The following GGACT variants were observed in gnomAD, a reference collection of about 807,000 sequenced individuals.
GGACT encodes gamma-glutamylaminecyclotransferase.
For synonymous variants in GGACT, 118 were observed against 115.3 expected (o/e 1.02, Z -0.15); for missense variants, 241 against 233.2 (o/e 1.03, Z -0.22).
chr13:100,569,491 G>A (rs547996708), intron 2 of GGACT, among the ~76,000 whole-genome samples: 1 of 152,214 alleles, frequency 6.6e-6, no homozygotes, highest in Non-Finnish European at 1.5e-5. Context: ...TGGGAGGCAG[G>A]GGGGCACCAT....
intron 2 of GGACT, among the ~76,000 whole-genome samples, chr13:100,573,971 T>C (rs1054244055): frequency 5.3e-5 from 8 of 151,778 alleles, no homozygotes; most frequent in Non-Finnish European, 7.4e-5. Flanking sequence ...TCAGCTACTG[T>C]GGAAAGCAGT....
At chr13:100,574,875 A>T (rs1314268990) in intron 2 of GGACT, among the ~76,000 whole-genome samples, 2 of 151,992 alleles carry the variant, frequency 1.3e-5, no homozygotes, top group African/African-American at 4.8e-5. Flanking sequence ...ACTTATGTGT[A>T]TTAAAAAAAA....
intron 2 of GGACT, among the ~76,000 whole-genome samples, chr13:100,567,508 G>A: frequency 6.6e-6 from 1 of 152,176 alleles, no homozygotes; most frequent in African/African-American, 2.4e-5. Context: ...CCTGGCATCA[G>A]CCCTCTCTCC....
chr13:100,585,822 C>CAAAAAAAAAAAAA lies in GGACT; in HGVS notation c.-183-1838_-183-1826dup, dbSNP rs550006144. Among the ~76,000 whole-genome samples the CAAAAAAAAAAAAA allele has an allele frequency of 3.4e-4, 10 of 29,504 alleles. 3 individuals carry two copies. Among genetic ancestry groups the CAAAAAAAAAAAAA allele is most frequent in the Admixed American group, 1.5e-3 (2 of 1,370 alleles). 19.4% of individuals were successfully genotyped at this position (29,504 alleles called of 152,430 possible). A position where few individuals can be genotyped will look rare whatever the true frequency, so the allele number is the denominator to read the frequency against. Reference sequence around the variant, plus strand: ...CAGCCTGGGCAATACCTGTCTCCACCAAAAAAAAAAAAAAAAAAAAAAAAA... The same window carrying CAAAAAAAAAAAAA: ...CAGCCTGGGCAATACCTGTCTCCACCAAAAAAAAAAAAAAAAAAAAAAAAAAAAAAAAAAAAAA... On this transcript the variant is annotated intron_variant, in intron 1 of 2. Coordinates refer to ENST00000683975, the MANE Select transcript of GGACT (RefSeq NM_001195087.2).
Position 100,532,375 on chromosome 13 carries a change from G to C in GGACT, c.217C>G (p.Arg73Gly), listed in dbSNP as rs772972695. The C allele has an allele frequency of 3.2e-6, 5 of 1,550,412 alleles. No homozygotes were observed. In the South Asian group the frequency reaches 5.9e-5, roughly 18 times the overall value. Residue 73 changes from arginine (R) to glycine (G), a missense_variant, in exon 3 of 3, where the codon CGG becomes GGG. Arg to Gly is a moderately radical substitution (Grantham distance 125). Transcript: ENST00000683975. ...VEGEVYAVDE[R>G]MLRFLDDFES... The stretch of plus-strand genomic sequence containing the variant: ...AAGTCATCCAGAAAGCGCAGCATCC[G>C]CTCGTCTACCGCGTAGACCTCGCCC...
intron 2 of GGACT, chr13:100,540,235 C>T (rs575603933): frequency 1.4e-6 from 2 of 1,388,976 alleles, no homozygotes; most frequent in East Asian, 4.6e-5. Context: ...ATTGTTCCTT[C>T]TTTTCTTTGT....
rs113356477 is a variant in GGACT, at chr13:100,530,325, T to G, written c.*1805A>C. 7.8e-4 allele frequency: 536 copies of G among 687,954 alleles called. 2 individuals are homozygous for G. The African/African-American group carries it at 8.4e-3, about 11-fold the overall frequency. The allele number at this position is 687,954 out of a possible 1,614,324, so 42.6% of individuals were successfully genotyped here. ...TCAAGACCAATATTCTGCCAAAAAA[T>G]CACCAATGGAAATTTTCATTGATAT... On this transcript the variant is annotated 3_prime_UTR_variant, in exon 3 of 3. Transcript: ENST00000683975.
intron 2 of GGACT, among the ~76,000 whole-genome samples, chr13:100,560,574 C>A (rs1035124687): frequency 6.6e-6 from 1 of 152,216 alleles, no homozygotes; most frequent in Non-Finnish European, 1.5e-5. Flanking sequence ...GTGGCCCTCC[C>A]AGGCCCTGAG....
chr13:100,584,374 C>T (rs1875503639), intron 1 of GGACT, among the ~76,000 whole-genome samples: 1 of 152,094 alleles, frequency 6.6e-6, no homozygotes, highest in South Asian at 2.1e-4. Flanking sequence ...AACCCAGACA[C>T]AGAAAGACAA....
intron 2 of GGACT, among the ~76,000 whole-genome samples, chr13:100,564,813 G>C (rs1208654121): frequency 6.6e-6 from 1 of 152,164 alleles, no homozygotes; most frequent in African/African-American, 2.4e-5. Context: ...AGTGCTCTAT[G>C]CCCCGGGCAG....
chr13:100,563,406 A>C (rs930671401), intron 2 of GGACT, among the ~76,000 whole-genome samples: 1 of 152,228 alleles, frequency 6.6e-6, no homozygotes, highest in Non-Finnish European at 1.5e-5. Context: ...CAGAAGTTGT[A>C]ATCACATAAC....
At chr13:100,560,704 A>T (rs1220608182) in intron 2 of GGACT, among the ~76,000 whole-genome samples, 1 of 152,172 alleles carries the variant, frequency 6.6e-6, no homozygotes, top group African/African-American at 2.4e-5. Flanking sequence ...CGATCCCTTT[A>T]GCCTCCCCAG....
intron 2 of GGACT, among the ~76,000 whole-genome samples, chr13:100,554,838 AAAG>A (rs1167252640): frequency 6.6e-6 from 1 of 152,198 alleles, no homozygotes; most frequent in Non-Finnish European, 1.5e-5. Context: ...GAGAGAGAGA[AAAG>A]AAATCATCAG....
chr13:100,550,076 G>T (rs1219087895), intron 2 of GGACT, among the ~76,000 whole-genome samples: 1 of 152,052 alleles, frequency 6.6e-6, no homozygotes, highest in East Asian at 1.9e-4. Context: ...AGGCAATTCG[G>T]CATGTGTCCC....
rs117219981 is a variant in GGACT at position 100,572,274 on chromosome 13, C to T, written c.-11+11551G>A. On this transcript the variant is annotated intron_variant, in intron 2 of 2. Transcript: ENST00000683975. Reference sequence around the variant, plus strand: ...AAGGATAAGCCTTGAGAACACTATGCGAAGCAAAATAAGCCAGTCCACAAA... The same window carrying T: ...AAGGATAAGCCTTGAGAACACTATGTGAAGCAAAATAAGCCAGTCCACAAA... Among the ~76,000 whole-genome samples the T allele has an allele frequency of 7.8e-3, 1,182 of 152,180 alleles. 9 individuals are homozygous for T. Among genetic ancestry groups the T allele is most frequent in the Non-Finnish European group, 0.013 (879 of 68,014 alleles).
chr13:100,585,754 G>A (rs77337566), intron 1 of GGACT, among the ~76,000 whole-genome samples: 3 of 139,040 alleles, frequency 2.2e-5, no homozygotes, highest in East Asian at 4.7e-4. Flanking sequence ...GGTGACAAGA[G>A]TGAGTGAGAC....
intron 2 of GGACT, among the ~76,000 whole-genome samples, chr13:100,577,423 AAATAAAT>A (rs1875281054): frequency 4.8e-5 from 7 of 144,960 alleles, no homozygotes; most frequent in African/African-American, 1.9e-4. Context: ...TCTCAAAAAT[AAATAAAT>A]AAATAAATAA....
At chr13:100,539,992 T>C (rs2088536987) in intron 2 of GGACT, 2 of 1,522,840 alleles carry the variant, frequency 1.3e-6, no homozygotes, top group East Asian at 4.5e-5. Flanking sequence ...ACGAGATCGA[T>C]TCCTGACTAC....
chr13:100,577,418 A>AAAAAAAATAAAT (rs144507106), intron 2 of GGACT, among the ~76,000 whole-genome samples: 3 of 141,174 alleles, frequency 2.1e-5, no homozygotes, highest in African/African-American at 7.8e-5. Flanking sequence ...CTCCATCTCA[A>AAAAAAAATAAAT]AAATAAATAA....
Sources: gnomAD v4.1 joint callset for allele counts (sites outside exome capture counted in the v4.1 genomes callset) on GRCh38, gnomAD v4.1.1 for gene constraint, MANE v1.5 for transcripts, NCBI Gene and HGNC (gene_info 2026-07-23, HGNC 2026-07-21) for gene names.